The following CNOT4 variants were observed in gnomAD, a reference collection of about 807,000 sequenced individuals.
The protein encoded by CNOT4 is CCR4-NOT transcription complex subunit 4.
A neutral mutation model predicts 73.8 loss-of-function variants in CNOT4; 8 were observed. The observed-to-expected ratio is 0.11, with a 90% CI of 0.06 to 0.20. The LOEUF (loss-of-function observed/expected upper bound fraction) is 0.20, where lower values mean the gene tolerates loss of function less well. CNOT4 is among the 10% of genes least tolerant of loss of function. The pLI, the probability that CNOT4 is intolerant of heterozygous loss-of-function variation, is 1.00. For synonymous variants in CNOT4, 293 were observed against 321.1 expected, an observed-to-expected ratio of 0.91 and a Z score of 0.94; for missense variants, 564 against 883.4, an observed-to-expected ratio of 0.64 and a Z score of 4.58.
chr7:135,407,353 T>G (rs1464702713), intron 7 of CNOT4, among the ~76,000 whole-genome samples: 5 of 152,198 alleles, frequency 3.3e-5, no homozygotes. Context: ...TTTGGTAAAT[T>G]CCAATATTCA....
At chr7:135,384,587 C>A in intron 10 of CNOT4, 6 of 738,782 alleles carry the variant, frequency 8.1e-6, no homozygotes, top group Non-Finnish European at 1.5e-5. Flanking sequence ...GCCTGGCCAC[C>A]CACCTCTCTT....
intron 9 of CNOT4, among the ~76,000 whole-genome samples, chr7:135,394,804 T>G (rs1460747902): frequency 6.6e-6 from 1 of 152,130 alleles, no homozygotes; most frequent in Non-Finnish European, 1.5e-5. Flanking sequence ...CAAATAATTT[T>G]GAATACATGC....
chr7:135,396,262 C>T (rs1287923207), intron 8 of CNOT4, among the ~76,000 whole-genome samples: 1 of 151,634 alleles, frequency 6.6e-6, no homozygotes, highest in Non-Finnish European at 1.5e-5. Context: ...GGACTACAGG[C>T]GCGTGCCACC....
At chr7:135,501,447 A>T (rs554455639) in intron 1 of CNOT4, among the ~76,000 whole-genome samples, 1 of 152,324 alleles carries the variant, frequency 6.6e-6, no homozygotes, top group African/African-American at 2.4e-5. Context: ...GGCATGAGGG[A>T]CTAAAGAGAA....
intron 10 of CNOT4, chr7:135,386,829 A>C (rs1796145018): frequency 6.5e-6 from 1 of 153,126 alleles, no homozygotes; most frequent in Non-Finnish European, 1.5e-5. Context: ...TGGGCAAACT[A>C]CCTGATGATT....
At chr7:135,488,376 C>A (rs1274239941) in intron 1 of CNOT4, among the ~76,000 whole-genome samples, 2 of 152,154 alleles carry the variant, frequency 1.3e-5, no homozygotes, top group Non-Finnish European at 1.5e-5. Flanking sequence ...TCACACCCAG[C>A]TAAATTCTAT....
At chr7:135,409,762 A>G (rs944890537) in intron 7 of CNOT4, among the ~76,000 whole-genome samples, 7 of 152,152 alleles carry the variant, frequency 4.6e-5, no homozygotes, top group African/African-American at 7.2e-5. Flanking sequence ...TAAACTTATC[A>G]AATAAAAAAG....
chr7:135,483,343 A>G (rs527808740), intron 1 of CNOT4, among the ~76,000 whole-genome samples: 2 of 152,124 alleles, frequency 1.3e-5, no homozygotes, highest in South Asian at 4.2e-4. Flanking sequence ...GTCTCAAAAA[A>G]AAAAATAAAA....
chr7:135,415,125 G>T, intron 4 of CNOT4, 51 bp downstream of exon 4: 1 of 1,084,748 alleles, frequency 9.2e-7, no homozygotes, highest in Non-Finnish European at 1.4e-6. Context: ...AACAGCCCAG[G>T]TCAAGCCCAG....
intron 1 of CNOT4, among the ~76,000 whole-genome samples, chr7:135,473,934 A>T (rs754518031): frequency 6.6e-6 from 1 of 151,510 alleles, no homozygotes; most frequent in African/African-American, 2.4e-5. Flanking sequence ...CTATTTCATC[A>T]TGCTAATAAG....
intron 1 of CNOT4, among the ~76,000 whole-genome samples, chr7:135,452,272 A>T (rs1452717644): frequency 1.3e-5 from 2 of 152,144 alleles, no homozygotes; most frequent in Non-Finnish European, 2.9e-5. Flanking sequence ...AGTGTATCAA[A>T]GGACATGTAA....
At chr7:135,468,209 C>G (rs182243413) in intron 1 of CNOT4, among the ~76,000 whole-genome samples, 1 of 151,612 alleles carries the variant, frequency 6.6e-6, no homozygotes, top group Non-Finnish European at 1.5e-5. Context: ...GAGCGAGACT[C>G]TGTCTCAAAA....
intron 1 of CNOT4, among the ~76,000 whole-genome samples, chr7:135,480,240 C>T (rs1389376244): frequency 6.6e-6 from 1 of 152,220 alleles, no homozygotes; most frequent in East Asian, 1.9e-4. Flanking sequence ...TTTCTTGTCA[C>T]TGGTCCACTA....
At chr7:135,471,785 C>T (rs1309292028) in intron 1 of CNOT4, among the ~76,000 whole-genome samples, 1 of 152,218 alleles carries the variant, frequency 6.6e-6, no homozygotes, top group Admixed American at 6.5e-5. Flanking sequence ...AATCTTGGCA[C>T]TCCGCTAGCC....
At chr7:135,414,042 T>C (rs1206007876) in intron 5 of CNOT4, among the ~76,000 whole-genome samples, 1 of 152,074 alleles carries the variant, frequency 6.6e-6, no homozygotes, top group African/African-American at 2.4e-5. Flanking sequence ...GGACTACCTA[T>C]TTCTGAAGAA....
chr7:135,452,947 C>T (rs1221895100), intron 1 of CNOT4, among the ~76,000 whole-genome samples: 1 of 152,128 alleles, frequency 6.6e-6, no homozygotes, highest in Non-Finnish European at 1.5e-5. Context: ...TAATTCTCTA[C>T]CACACTTGTG....
intron 1 of CNOT4, among the ~76,000 whole-genome samples, chr7:135,494,188 G>A (rs62479462): frequency 3.3e-5 from 5 of 152,008 alleles, no homozygotes; most frequent in South Asian, 2.1e-4. Context: ...TACCACCAGC[G>A]GTGGGGCGCA....
intron 10 of CNOT4, among the ~76,000 whole-genome samples, chr7:135,376,832 AAAC>A (rs1483298202): frequency 1.3e-5 from 2 of 152,222 alleles, no homozygotes; most frequent in African/African-American, 4.8e-5. Flanking sequence ...CACTTTTCTG[AAAC>A]ATCATTTTAA....
chr7:135,407,362 C>T, intron 7 of CNOT4, among the ~76,000 whole-genome samples: 1 of 152,168 alleles, frequency 6.6e-6, no homozygotes, highest in East Asian at 1.9e-4. Context: ...TTCCAATATT[C>T]ATTTCCAATC....
Sources: gnomAD v4.1 joint callset for allele counts (sites outside exome capture counted in the v4.1 genomes callset) on GRCh38, gnomAD v4.1.1 for gene constraint, MANE v1.5 for transcripts, NCBI Gene and HGNC (gene_info 2026-07-23, HGNC 2026-07-21) for gene names.